Variants in FAS observed in about 807,000 individuals in gnomAD.
FAS encodes the protein tumor necrosis factor receptor superfamily member 6.
FAS carries 5 observed loss-of-function variants against 33.2 expected under a neutral mutation model. The ratio of observed to expected loss-of-function variants is 0.15; its 90% CI spans 0.08 to 0.32. The LOEUF (loss-of-function observed/expected upper bound fraction) is 0.32. FAS is among the 10% of genes least tolerant of loss of function. The pLI is 1.00. For synonymous variants in FAS, 131 were observed against 130.7 expected, an observed-to-expected ratio of 1.00 and a Z score of -0.01; for missense variants, 339 against 386.0, an observed-to-expected ratio of 0.88 and a Z score of 1.02.
intron 1 of FAS, among the ~76,000 whole-genome samples, chr10:88,999,489 A>C (rs1245439242): frequency 1.3e-5 from 2 of 152,212 alleles, no homozygotes; most frequent in Non-Finnish European, 2.9e-5. Context: ...TTGTATAATA[A>C]AGTGCACTTT....
Position 88,976,388 on chromosome 10 carries a change from A to T in FAS, n.260+3041A>T, listed in dbSNP as rs76297818. 7.2e-3 allele frequency among the ~76,000 whole-genome samples: 1,099 copies of T among 152,330 alleles called. 22 individuals carry two copies. In the East Asian group the frequency reaches 0.1, roughly 14 times the overall value. On this transcript the variant is annotated intron_variant and non_coding_transcript_variant, in intron 2 of 3. Coordinates refer to the FAS transcript ENST00000688239. ...CACAAATGCCAGAGTAAACAAGGGG[A>T]AACTATTTAGTCTCTAACAAAAGGA...
At chr10:88,977,379 T>C (rs1417400503) in intron 2 of FAS, among the ~76,000 whole-genome samples, 1 of 151,556 alleles carries the variant, frequency 6.6e-6, no homozygotes, top group Admixed American at 6.6e-5. Flanking sequence ...GCTTTCTACA[T>C]ATGGCTAGCC....
intron 1 of FAS, among the ~76,000 whole-genome samples, chr10:88,971,453 T>G (rs1287979522): frequency 6.6e-6 from 1 of 152,246 alleles, no homozygotes; most frequent in Non-Finnish European, 1.5e-5. Flanking sequence ...CAAGTTAGGA[T>G]CTGAGTGTTT....
chr10:88,998,123 AC>A (rs538545596), intron 1 of FAS, among the ~76,000 whole-genome samples: 119 of 152,160 alleles, frequency 7.8e-4, no homozygotes, highest in Non-Finnish European at 1.4e-3. Flanking sequence ...CTGGGTGGCT[AC>A]AGTTTTGGGG....
chr10:88,974,880 A>G (rs944519298), intron 2 of FAS: 4 of 152,204 alleles, frequency 2.6e-5, no homozygotes, highest in Non-Finnish European at 5.9e-5. Context: ...ATAGCGCTCT[A>G]AATCCTAAAT....
chr10:89,008,083 T>C (rs1215221895), intron 3 of FAS, among the ~76,000 whole-genome samples: 2 of 151,968 alleles, frequency 1.3e-5, no homozygotes, highest in Admixed American at 6.5e-5. Flanking sequence ...AGGAACAGGG[T>C]TCATCAGCTC....
rs1393564724 is a variant in FAS at position 89,014,591 on chromosome 10, G to A, written c.*141G>A. 3 of 838,662 alleles carry A rather than the reference G, an allele frequency of 3.6e-6. No individual in the cohort carries two copies. The highest frequency in any genetic ancestry group is 5.3e-5 in the East Asian group (2 of 37,808). The allele number at this position is 838,662 out of a possible 1,614,324, so 52.0% of individuals were successfully genotyped here. On this transcript the variant is annotated 3_prime_UTR_variant, in exon 9 of 9. Transcript: ENST00000652046. ...GCGCTGAAGAGCCAACATATTTGTA[G>A]ATTTTTAATATCTCATGATTCTGCC...
intron 1 of FAS, among the ~76,000 whole-genome samples, chr10:88,993,880 T>G (rs1367572719): frequency 6.6e-6 from 1 of 152,168 alleles, no homozygotes; most frequent in Non-Finnish European, 1.5e-5. Flanking sequence ...AATGATAAAA[T>G]ATGAATTAAG....
chr10:89,013,276 C>G, intron 7 of FAS, 67 bp from the exon 8 acceptor site: 1 of 1,477,418 alleles, frequency 6.8e-7, no homozygotes, highest in South Asian at 1.2e-5. Flanking sequence ...ATTAGAAGTT[C>G]ACATTTAGAA....
chr10:88,986,645 GTACAGAAAGGAAGTAA>G (rs1846894513), upstream of FAS, among the ~76,000 whole-genome samples: 1 of 151,488 alleles, frequency 6.6e-6, no homozygotes, highest in African/African-American at 2.4e-5. Context: ...AAAGGAAGTA[GTACAGAAAGGAAGTAA>G]TACAGGAAGG....
chr10:89,014,278 G>A lies in FAS; in HGVS notation c.836G>A (p.Arg279His), dbSNP rs563211901. The A allele has an allele frequency of 9.9e-6, 16 of 1,613,886 alleles. No individual in the cohort carries two copies. Among genetic ancestry groups the A allele is most frequent in the South Asian group, 2.2e-5 (2 of 91,080 alleles). ...GCAGAACAGAAAGTTCAACTGCTTC[G>A]TAATTGGCATCAACTTCATGGAAAG... ...DTAEQKVQLL[R>H]NWHQLHGKKE... The change falls in exon 9 of 9, where the codon CGT (arginine) becomes CAT (histidine). Residue 279 changes from arginine (R) to histidine (H), a missense_variant. By Grantham distance (29) the Arg-to-His change is conservative. Coordinates refer to ENST00000652046, the MANE Select transcript of FAS (RefSeq NM_000043.6).
At chr10:88,986,242 T>C (rs1178403714), upstream of FAS, among the ~76,000 whole-genome samples, 1 of 152,184 alleles carries the variant, frequency 6.6e-6, no homozygotes, top group Non-Finnish European at 1.5e-5. Context: ...TATCTTTCCT[T>C]GTGTCAGTTC....
chr10:89,013,781 T>G (rs1011252831), intron 8 of FAS, among the ~76,000 whole-genome samples: 10 of 152,230 alleles, frequency 6.6e-5, no homozygotes, highest in African/African-American at 2.4e-4. Context: ...CATAAACTCT[T>G]TGCTTATACT....
At chr10:88,983,610 A>C (rs1245397209), upstream of FAS, among the ~76,000 whole-genome samples, 1 of 7,516 alleles carries the variant, frequency 1.3e-4, no homozygotes, top group Non-Finnish European at 2.7e-4. Context: ...CAGGTTATGC[A>C]AAAAAAAAAA....
chr10:88,980,170 G>A (rs535909308), intron 2 of FAS, among the ~76,000 whole-genome samples: 4 of 151,904 alleles, frequency 2.6e-5, no homozygotes, highest in East Asian at 2.0e-4. Flanking sequence ...TTTTAGGCAC[G>A]ATAAGAATTC....
intron 6 of FAS, 55 bp from the exon 7 acceptor site, chr10:89,011,944 A>T (rs779658966): frequency 4.3e-6 from 6 of 1,390,394 alleles, no homozygotes; most frequent in Non-Finnish European, 6.1e-6. Context: ...GTATGTTCTC[A>T]CATGCATTCT....
chr10:88,997,233 T>C (rs1305766246), intron 1 of FAS, among the ~76,000 whole-genome samples: 1 of 152,178 alleles, frequency 6.6e-6, no homozygotes, highest in African/African-American at 2.4e-5. Flanking sequence ...ATTCCTTAGG[T>C]CTATGTAGGG....
intron 1 of FAS, among the ~76,000 whole-genome samples, chr10:88,972,143 G>C (rs2133325405): frequency 6.6e-6 from 1 of 152,240 alleles, no homozygotes; most frequent in African/African-American, 2.4e-5. Flanking sequence ...TCTTGACCTT[G>C]TGATCCACCC....
chr10:88,996,894 A>T (rs1394057834), intron 1 of FAS, among the ~76,000 whole-genome samples: 1 of 152,136 alleles, frequency 6.6e-6, no homozygotes, highest in Non-Finnish European at 1.5e-5. Context: ...TTATTCTTGT[A>T]TGACCCACGT....
Sources: gnomAD v4.1 joint callset for allele counts (sites outside exome capture counted in the v4.1 genomes callset) on GRCh38, gnomAD v4.1.1 for gene constraint, MANE v1.5 for transcripts, NCBI Gene and HGNC (gene_info 2026-07-23, HGNC 2026-07-21) for gene names.